LRP1: variants seen among roughly 807,000 people sequenced by gnomAD.
LRP1 encodes the protein prolow-density lipoprotein receptor-related protein 1.
LRP1 carries 51 observed loss-of-function variants against 541.5 expected under a neutral mutation model. The observed-to-expected ratio is 0.09, with a 90% CI of 0.08 to 0.12. LRP1 has a LOEUF of 0.12. Among genes scored for constraint, LRP1 ranks in the 10% least tolerant of loss-of-function variants. The pLI is 1.00. For missense variants in LRP1, 3,878 were observed against 6,376.2 expected (o/e 0.61, Z 13.34); for synonymous variants, 2,219 against 2,470.8 (o/e 0.90, Z 3.02).
At chr12:57,186,118 C>A (rs2036265929) in intron 41 of LRP1, among the ~76,000 whole-genome samples, 1 of 152,204 alleles carries the variant, frequency 6.6e-6, no homozygotes, top group African/African-American at 2.4e-5. Flanking sequence ...CCTAGTTCTG[C>A]CTTCAGAGCT....
At position 57,177,618 on chromosome 12, in the gene LRP1, G is replaced by C; in HGVS notation, c.4361+27G>C. 1 of 1,611,958 alleles carries C rather than the reference G, an allele frequency of 6.2e-7. No homozygotes were observed. Among genetic ancestry groups the C allele is most frequent in the Non-Finnish European group, 8.5e-7 (1 of 1,179,162 alleles). On this transcript the variant is annotated intron_variant, in intron 26 of 88. Coordinates refer to ENST00000243077, the MANE Select transcript of LRP1 (RefSeq NM_002332.3). The surrounding 1 kb of genome is among the most constrained non-coding windows in gnomAD (Gnocchi z 6.8). The stretch of plus-strand genomic sequence containing the variant: ...TCAGCACCCTCTGTGCCCTGAGAAG[G>C]CCCAAGTCTGTGGCACCAGGACGGG...
In LRP1 at chr12:57,205,658, C is replaced by A. The variant is rs1256599810; in HGVS notation, c.11571C>A (p.His3857Gln). 15 of 1,612,318 alleles carry A rather than the reference C, an allele frequency of 9.3e-6. No individual in the cohort carries two copies. The East Asian group carries it at 1.8e-4, about 19-fold the overall frequency. Residue 3857 changes from histidine to glutamine, a missense_variant, in exon 75 of 89, where the codon CAC becomes CAA. Around this residue, in one of 13 missense-constraint regions of LRP1, gnomAD observed 871 missense variants for 1,212.4 expected, o/e 0.72. Coordinates refer to ENST00000243077, the MANE Select transcript of LRP1 (RefSeq NM_002332.3). The surrounding 1 kb of genome is among the most constrained non-coding windows in gnomAD (Gnocchi z 4.6). ...GCGCTCGGAACTTCATGAAGACGCA[C>A]AACACCTGCAAGGCCGAAGGTGCCG... is the stretch of plus-strand genomic sequence containing the variant. ...CSCARNFMKTHNTCKAEGSEY... is the reference protein window; with the variant it reads ...CSCARNFMKTQNTCKAEGSEY...
At chr12:57,168,386 T>C (rs937890769) in intron 19 of LRP1, among the ~76,000 whole-genome samples, 11 of 151,136 alleles carry the variant, frequency 7.3e-5, no homozygotes, top group Non-Finnish European at 2.9e-5. Flanking sequence ...AGAAAGCAAA[T>C]AGTGGTCAGG....
chr12:57,146,049 G>C (rs1361919443), intron 6 of LRP1, among the ~76,000 whole-genome samples: 2 of 152,172 alleles, frequency 1.3e-5, no homozygotes, highest in African/African-American at 4.8e-5. Context: ...TGAGCCACAT[G>C]AGATTTTAGA....
rs532046778 is a variant in LRP1, at chr12:57,197,482, A to C, written c.9163-63A>C. ...GCTTAGGTCCAACCATCCCTCCCCC[A>C]GATGCAAATGTGGCCCCTGTTGCCA... On this transcript the variant is annotated intron_variant, in intron 57 of 88. Transcript: ENST00000243077. This position sits in a 1 kb window ranked among gnomAD's most constrained non-coding sequence, Gnocchi z 4.5. The C allele has an allele frequency of 2.5e-6, 4 of 1,613,170 alleles. No homozygotes were observed. The East Asian group carries it at 6.7e-5, about 27-fold the overall frequency.
chr12:57,134,588 G>A (rs2035114593), intron 1 of LRP1, among the ~76,000 whole-genome samples: 2 of 152,116 alleles, frequency 1.3e-5, no homozygotes, highest in Admixed American at 1.3e-4. Flanking sequence ...TCACCATGTT[G>A]CCCAGGCTGG....
intron 42 of LRP1, 93 bp downstream of exon 42, chr12:57,187,549 AG>A (rs2036294713): frequency 7.8e-7 from 1 of 1,284,790 alleles, no homozygotes; most frequent in East Asian, 2.5e-5. Flanking sequence ...GGTGCAGGAG[AG>A]GCAGGCCCTC....
rs910402222 is a variant in LRP1, at chr12:57,179,081, C to T, written c.4738+60C>T. 5 of 1,573,052 alleles carry T rather than the reference C, an allele frequency of 3.2e-6. No individual in the cohort carries two copies. Among genetic ancestry groups the T allele is most frequent in the Non-Finnish European group, 4.3e-6 (5 of 1,161,764 alleles). On this transcript the variant is annotated intron_variant, in intron 28 of 88. Coordinates refer to ENST00000243077, the MANE Select transcript of LRP1 (RefSeq NM_002332.3). The surrounding 1 kb of genome is among the most constrained non-coding windows in gnomAD (Gnocchi z 6.8). Reference sequence around the variant, plus strand: ...TGAGGCTGGAGGGAAGGCCGCAGGCCCCAGGATCCCGGTTGTCAGCTAAGG... The same window carrying T: ...TGAGGCTGGAGGGAAGGCCGCAGGCTCCAGGATCCCGGTTGTCAGCTAAGG...
intron 3 of LRP1, 127 bp from the exon 4 acceptor site, chr12:57,143,552 C>A: frequency 8.6e-7 from 1 of 1,164,954 alleles, no homozygotes; most frequent in Non-Finnish European, 1.2e-6. Context: ...TAAGGCCCTT[C>A]TGTCTCTGAC....
chr12:57,190,907 C>G lies in LRP1; in HGVS notation c.7134C>G (p.Thr2378=). Residue 2378 remains threonine (T), a synonymous_variant, in exon 43 of 89, where the codon ACC becomes ACG. Transcript: ENST00000243077. The stretch of plus-strand genomic sequence containing the variant: ...CCCTTATCGAGAAGGACATCCGTAC[C>G]CCCAATGGCCTGGCCATCGACCACC... ...VLTLIEKDIR[T]PNGLAIDHRA... is the part of the protein sequence containing the mutation. The G allele has an allele frequency of 6.2e-7, 1 of 1,613,784 alleles. No homozygotes were observed.
At position 57,184,012 on chromosome 12, in the gene LRP1, C is replaced by T; in HGVS notation, c.5930-73C>T. ...AGCAGGAAGAGGAGCTGTAGGGGTG[C>T]CTGGGAGCTTGGAGACACCAGGTCC... On this transcript the variant is annotated intron_variant, in intron 36 of 88. Coordinates refer to ENST00000243077, the MANE Select transcript of LRP1 (RefSeq NM_002332.3). This position sits in a 1 kb window ranked among gnomAD's most constrained non-coding sequence, Gnocchi z 7.8. 1.9e-6 allele frequency: 3 copies of T among 1,600,214 alleles called. No individual in the cohort carries two copies. Among genetic ancestry groups the T allele is most frequent in the Non-Finnish European group, 2.6e-6 (3 of 1,171,690 alleles).
chr12:57,162,225 A>G lies in LRP1; in HGVS notation c.2203-92A>G, dbSNP rs1175930706. On this transcript the variant is annotated intron_variant, in intron 13 of 88. Coordinates refer to ENST00000243077, the MANE Select transcript of LRP1 (RefSeq NM_002332.3). This position sits in a 1 kb window ranked among gnomAD's most constrained non-coding sequence, Gnocchi z 5.2. Reference sequence around the variant, plus strand: ...GGGAAACAAAGCAAAACCCATGCCCAGGACATAGACAAATGAATGTACAAA... The same window carrying G: ...GGGAAACAAAGCAAAACCCATGCCCGGGACATAGACAAATGAATGTACAAA... 2 of 1,132,580 alleles carry G rather than the reference A, an allele frequency of 1.8e-6. No individual in the cohort carries two copies. The highest frequency in any genetic ancestry group is 2.7e-6 in the Non-Finnish European group (2 of 749,966). The allele number at this position is 1,132,580 out of a possible 1,614,324, so 70.2% of individuals were successfully genotyped here.
chr12:57,202,604 C>T, intron 68 of LRP1, 67 bp downstream of exon 68: 1 of 1,303,304 alleles, frequency 7.7e-7, no homozygotes, highest in Non-Finnish European at 1.1e-6. Flanking sequence ...CGCGGCCCTC[C>T]TGCCACAGGC....
rs769453950 is a variant in LRP1 at position 57,195,764 on chromosome 12, T to C, written c.8544T>C (p.Asp2848=). ...DHDRDCADGS[D]ESPECEYPTC... Reference sequence around the variant, plus strand: ...ACCGTGACTGTGCAGATGGCTCTGATGAGTCCCCCGAGTGTGGTGAGCCTT... The same window carrying C: ...ACCGTGACTGTGCAGATGGCTCTGACGAGTCCCCCGAGTGTGGTGAGCCTT... The change falls in exon 53 of 89, where the codon GAT becomes GAC. Residue 2848 remains aspartate (D), a synonymous_variant. Coordinates refer to ENST00000243077, the MANE Select transcript of LRP1 (RefSeq NM_002332.3). The C allele has an allele frequency of 6.2e-7, 1 of 1,614,138 alleles. No individual in the cohort carries two copies. The highest frequency in any genetic ancestry group is 1.1e-5 in the South Asian group (1 of 91,082).
At position 57,156,985 on chromosome 12, in the gene LRP1, C is replaced by G; in HGVS notation, c.1561+65C>G. On this transcript the variant is annotated intron_variant, in intron 10 of 88. Coordinates refer to ENST00000243077, the MANE Select transcript of LRP1 (RefSeq NM_002332.3). The surrounding 1 kb of genome is among the most constrained non-coding windows in gnomAD (Gnocchi z 5.2). The stretch of plus-strand genomic sequence containing the variant: ...TGCGGGAGGGTTCCTCAGGTGTCCC[C>G]CACAGCCCGGCTGCCTCTGTCTGAC... 6.8e-7 allele frequency: 1 copy of G among 1,474,188 alleles called. No homozygotes were observed. Among genetic ancestry groups the G allele is most frequent in the Non-Finnish European group, 9.1e-7 (1 of 1,104,506 alleles). The allele number at this position is 1,474,188 out of a possible 1,614,324, so 91.3% of individuals were successfully genotyped here.
At chr12:57,145,812 C>T (rs1468116392) in intron 6 of LRP1, among the ~76,000 whole-genome samples, 2 of 152,048 alleles carry the variant, frequency 1.3e-5, no homozygotes, top group African/African-American at 2.4e-5. Flanking sequence ...AGGGACTTTC[C>T]GGTGCAGTGG....
rs201769396 is a variant in LRP1 at position 57,197,685 on chromosome 12, C to G, written c.9282+21C>G. 1 of 1,609,184 alleles carries G rather than the reference C, an allele frequency of 6.2e-7. No individual in the cohort carries two copies. The highest frequency in any genetic ancestry group is 1.1e-5 in the South Asian group (1 of 90,876). On this transcript the variant is annotated intron_variant, in intron 58 of 88. Transcript: ENST00000243077. This position sits in a 1 kb window ranked among gnomAD's most constrained non-coding sequence, Gnocchi z 4.5. ...TGCAGGTGAGGCGGGCGGCCCTCGGCGACCAACACTGGCCCGCCTCAGATG... is the reference window on the plus strand; with the variant it reads ...TGCAGGTGAGGCGGGCGGCCCTCGGGGACCAACACTGGCCCGCCTCAGATG...
In LRP1 at chr12:57,211,342, C is replaced by G. The variant is rs2036910526; in HGVS notation, c.13083C>G (p.Val4361=). The stretch of plus-strand genomic sequence containing the variant: ...TGGTCAACAAGCAGAGTGGGGATGT[C>G]ACCTGCAAGTGAGTGGGGCCCTCCT... ...ACVVNKQSGD[V]TCNCTDGRVA... The change falls in exon 84 of 89, where the codon GTC becomes GTG. Residue 4361 remains valine (V), a synonymous_variant. Coordinates refer to ENST00000243077, the MANE Select transcript of LRP1 (RefSeq NM_002332.3). The surrounding 1 kb of genome is among the most constrained non-coding windows in gnomAD (Gnocchi z 4.3). 6.2e-7 allele frequency: 1 copy of G among 1,613,784 alleles called. No homozygotes were observed. Among genetic ancestry groups the G allele is most frequent in the African/African-American group, 1.3e-5 (1 of 74,940 alleles).
In LRP1 at chr12:57,185,070, C is replaced by A. The variant is rs746369243; in HGVS notation, c.6339-11C>A. 1 of 1,614,152 alleles carries A rather than the reference C, an allele frequency of 6.2e-7. No homozygotes were observed. ...CACTGATGCCCTGCTTGTGCCCTGT[C>A]CTTCCCTCAGGACTCATGCCAACGG... On this transcript the variant is annotated splice_polypyrimidine_tract_variant and intron_variant, in intron 39 of 88. Transcript: ENST00000243077. This position sits in a 1 kb window ranked among gnomAD's most constrained non-coding sequence, Gnocchi z 4.9.
Sources: allele counts gnomAD v4.1 joint callset (sites outside exome capture counted in the v4.1 genomes callset), GRCh38; gene constraint gnomAD v4.1.1; regional missense constraint gnomAD v4.1.1; non-coding constraint Gnocchi (gnomAD v3.1); transcripts MANE v1.5; gene names NCBI Gene and HGNC (gene_info 2026-07-23, HGNC 2026-07-21).